TMEM163: variants seen among roughly 807,000 people sequenced by gnomAD.
The protein encoded by TMEM163 is transmembrane protein 163.
TMEM163 carries 17 observed loss-of-function variants against 29.3 expected under a neutral mutation model. That is an observed-to-expected ratio of 0.58 (90% CI 0.40 to 0.87). TMEM163 has a LOEUF of 0.87. TMEM163 is among the 40% of genes least tolerant of loss of function. The probability of loss-of-function intolerance (pLI) is 0.00; values close to 1 mark genes in which losing one functional copy is unlikely to be tolerated. For synonymous variants in TMEM163, 157 were observed against 160.6 expected (o/e 0.98, Z 0.17); for missense variants, 303 against 381.5 (o/e 0.79, Z 1.71).
chr2:134,507,541 C>G (rs894963731), intron 4 of TMEM163, among the ~76,000 whole-genome samples: 2 of 152,114 alleles, frequency 1.3e-5, no homozygotes, highest in Non-Finnish European at 2.9e-5. Context: ...ATAAGCCCTT[C>G]AGGTGATTCT....
chr2:134,481,383 G>A (rs116332642), intron 5 of TMEM163, among the ~76,000 whole-genome samples: 10,562 of 151,260 alleles, frequency 0.07, 755 homozygotes, highest in African/African-American at 0.16. Context: ...ATCATGGGGG[G>A]GGGGGGAGCT....
chr2:134,500,520 C>G (rs1054994653), intron 5 of TMEM163, among the ~76,000 whole-genome samples: 6 of 152,192 alleles, frequency 3.9e-5, no homozygotes, highest in South Asian at 2.1e-4. Flanking sequence ...CATCTGGCAT[C>G]GCTTCTTCAG....
intron 2 of TMEM163, among the ~76,000 whole-genome samples, chr2:134,662,262 T>TG (rs2104859736): frequency 6.6e-6 from 1 of 152,290 alleles, no homozygotes; most frequent in Non-Finnish European, 1.5e-5. Context: ...TTCATTCAAT[T>TG]GCCACCCTTG....
chr2:134,471,102 G>A (rs1458376718), intron 5 of TMEM163, among the ~76,000 whole-genome samples: 1 of 152,228 alleles, frequency 6.6e-6, no homozygotes. Flanking sequence ...AGGCCAGGAG[G>A]TTGAGACTGC....
Position 134,460,807 on chromosome 2 carries a change from C to T in TMEM163, c.668-2634G>A, listed in dbSNP as rs959787927. Among the ~76,000 whole-genome samples, 3 of 152,202 alleles carry T rather than the reference C, an allele frequency of 2.0e-5. No homozygotes were observed. Among genetic ancestry groups the T allele is most frequent in the Non-Finnish European group, 2.9e-5 (2 of 68,040 alleles). ...GACAGCAGGTCCACCAGGTGTTCCCCGACACCCCACAGCTGAGAGGCTGGT... is the reference window on the plus strand; with the variant it reads ...GACAGCAGGTCCACCAGGTGTTCCCTGACACCCCACAGCTGAGAGGCTGGT... On this transcript the variant is annotated intron_variant, in intron 6 of 7. Coordinates refer to ENST00000281924, the MANE Select transcript of TMEM163 (RefSeq NM_030923.5). The surrounding 1 kb of genome is among the most constrained non-coding windows in gnomAD (Gnocchi z 4.3).
chr2:134,458,732 G>A (rs1478513575), intron 6 of TMEM163: 1 of 153,112 alleles, frequency 6.5e-6, no homozygotes, highest in Non-Finnish European at 1.5e-5. Context: ...AGATTGAGAA[G>A]GGCATTCTAT....
chr2:134,646,439 A>G (rs1683339914), intron 2 of TMEM163, among the ~76,000 whole-genome samples: 1 of 151,072 alleles, frequency 6.6e-6, no homozygotes, highest in Admixed American at 6.6e-5. Context: ...CCCTCATTCT[A>G]TGCTTTTATT....
chr2:134,458,087 G>A lies in TMEM163; in HGVS notation c.754C>T (p.Leu252=). The A allele has an allele frequency of 1.2e-6, 2 of 1,614,192 alleles. No individual in the cohort carries two copies. Among genetic ancestry groups the A allele is most frequent in the African/African-American group, 1.3e-5 (1 of 75,042 alleles). The part of the protein sequence containing the change: ...VFKHDSAVWY[L]DGSIGVLIGL... ...ATCAGAACGCCTATGCTGCCGTCCA[G>A]GTACCAGACCGCCGAGTCATGCTTG... The change falls in exon 7 of 8, where the codon CTG becomes TTG. Residue 252 remains leucine, a synonymous_variant. Transcript: ENST00000281924.
intron 4 of TMEM163, among the ~76,000 whole-genome samples, chr2:134,530,277 T>G (rs908880842): frequency 2.0e-5 from 3 of 152,072 alleles, no homozygotes; most frequent in Non-Finnish European, 2.9e-5. Flanking sequence ...TGTGTGTGTT[T>G]AATATATACA....
At chr2:134,544,076 C>A (rs182883777) in intron 4 of TMEM163, among the ~76,000 whole-genome samples, 1 of 152,184 alleles carries the variant, frequency 6.6e-6, no homozygotes, top group Non-Finnish European at 1.5e-5. Flanking sequence ...ACCCTCCACA[C>A]AGCCCCACCT....
intron 2 of TMEM163, among the ~76,000 whole-genome samples, chr2:134,661,063 G>C (rs60366343): frequency 6.6e-6 from 1 of 152,060 alleles, no homozygotes; most frequent in Non-Finnish European, 1.5e-5. Flanking sequence ...TTGCAGGAGT[G>C]GGTTCCTTAT....
chr2:134,582,902 A>G (rs1681728628), intron 2 of TMEM163, among the ~76,000 whole-genome samples: 1 of 152,164 alleles, frequency 6.6e-6, no homozygotes, highest in Non-Finnish European at 1.5e-5. Flanking sequence ...TCTACCTGCA[A>G]AAGTAGAGAA....
intron 4 of TMEM163, among the ~76,000 whole-genome samples, chr2:134,529,175 A>T (rs28447357): frequency 2.0e-5 from 3 of 151,928 alleles, no homozygotes; most frequent in East Asian, 1.9e-4. Context: ...TACTAAAAAT[A>T]AAAAAATTAG....
intron 2 of TMEM163, among the ~76,000 whole-genome samples, chr2:134,663,394 G>A (rs774560092): frequency 6.6e-6 from 1 of 152,200 alleles, no homozygotes; most frequent in Non-Finnish European, 1.5e-5. Context: ...AGAGCAAAAT[G>A]CCTCATCAAA....
At chr2:134,688,708 A>G (rs1318024051) in intron 2 of TMEM163, among the ~76,000 whole-genome samples, 1 of 152,196 alleles carries the variant, frequency 6.6e-6, no homozygotes, top group Non-Finnish European at 1.5e-5. Context: ...ATGACCTTCA[A>G]TCTTCATCAA....
intron 2 of TMEM163, among the ~76,000 whole-genome samples, chr2:134,595,559 A>G (rs1194720879): frequency 1.6e-4 from 24 of 152,186 alleles, no homozygotes; most frequent in Non-Finnish European, 1.5e-5. Flanking sequence ...TATTGTGAAT[A>G]GTGCTGCAAT....
intron 4 of TMEM163, among the ~76,000 whole-genome samples, chr2:134,520,040 T>C (rs1229652803): frequency 6.6e-6 from 1 of 151,964 alleles, no homozygotes; most frequent in Admixed American, 6.6e-5. Flanking sequence ...CATGCCAACA[T>C]AAAGATGAAG....
intron 4 of TMEM163, among the ~76,000 whole-genome samples, chr2:134,526,873 C>CCCT (rs1318539281): frequency 6.6e-6 from 1 of 152,118 alleles, no homozygotes; most frequent in Non-Finnish European, 1.5e-5. Flanking sequence ...TTTACCAACC[C>CCCT]CCTAAAAGTG....
At chr2:134,510,341 T>G (rs1396015164) in intron 4 of TMEM163, among the ~76,000 whole-genome samples, 1 of 152,100 alleles carries the variant, frequency 6.6e-6, no homozygotes, top group Non-Finnish European at 1.5e-5. Flanking sequence ...GGTCTGAGGT[T>G]GGGGAAACCT....
Sources: gnomAD v4.1 joint callset for allele counts (sites outside exome capture counted in the v4.1 genomes callset) on GRCh38, gnomAD v4.1.1 for gene constraint, Gnocchi (gnomAD v3.1) non-coding constraint, MANE v1.5 for transcripts, NCBI Gene and HGNC (gene_info 2026-07-23, HGNC 2026-07-21) for gene names.